The following RNGTT variants were observed in gnomAD, a reference collection of about 807,000 sequenced individuals.
RNGTT encodes RNA guanylyltransferase and 5'-phosphatase.
Under a neutral mutation model 79.3 loss-of-function variants are expected in RNGTT, and 33 were observed. That is an observed-to-expected ratio of 0.42 (90% confidence interval 0.32 to 0.56). The LOEUF (loss-of-function observed/expected upper bound fraction) is 0.56, where lower values mean the gene tolerates loss of function less well. Among genes scored for constraint, RNGTT ranks in the 20% least tolerant of loss-of-function variants. The pLI, the probability that RNGTT is intolerant of heterozygous loss-of-function variation, is 0.17. For synonymous variants in RNGTT, 222 were observed against 235.9 expected (o/e 0.94, Z 0.54); for missense variants, 497 against 739.1 (o/e 0.67, Z 3.80).
intron 13 of RNGTT, among the ~76,000 whole-genome samples, chr6:88,761,130 C>T (rs1184493897): frequency 6.6e-6 from 1 of 151,448 alleles, no homozygotes; most frequent in East Asian, 1.9e-4. Context: ...CTATATATTC[C>T]ATTCTGCTTG....
At position 88,887,294 on chromosome 6, in the gene RNGTT, C is replaced by T. The variant is rs181814692; in HGVS notation, c.896+3201G>A. ...ACACTGTATCCTGACATAGCTTTAACGACGATGGAGTCCAGGACTCATAGC... is the reference window on the plus strand; with the variant it reads ...ACACTGTATCCTGACATAGCTTTAATGACGATGGAGTCCAGGACTCATAGC... On this transcript the variant is annotated intron_variant, in intron 8 of 15. Coordinates refer to ENST00000369485, the MANE Select transcript of RNGTT (RefSeq NM_003800.5). Among the ~76,000 whole-genome samples the T allele has an allele frequency of 3.8e-3, 583 of 152,212 alleles. 10 individuals carry two copies. Among genetic ancestry groups the T allele is most frequent in the African/African-American group, 0.013 (550 of 41,512 alleles).
At chr6:88,771,311 GTGTGTATATATATATATATA>G (rs1191713710) in intron 12 of RNGTT, among the ~76,000 whole-genome samples, 12 of 48,680 alleles carry the variant, frequency 2.5e-4, no homozygotes, top group Middle Eastern at 0.011. Context: ...GTATGTGTGT[GTGTGTATATATATATATATA>G]TATATATATA....
At chr6:88,637,457 T>C (rs1363331334) in intron 14 of RNGTT, among the ~76,000 whole-genome samples, 2 of 152,036 alleles carry the variant, frequency 1.3e-5, no homozygotes, top group African/African-American at 4.8e-5. Flanking sequence ...AAGTAAAACA[T>C]GGCTTTGAAA....
chr6:88,844,885 T>G (rs751400157), intron 10 of RNGTT, among the ~76,000 whole-genome samples: 11 of 151,998 alleles, frequency 7.2e-5, no homozygotes, highest in Non-Finnish European at 1.2e-4. Flanking sequence ...CCCAGGAGTT[T>G]GAGGCTAGCC....
At chr6:88,816,395 G>C (rs1008100845) in intron 11 of RNGTT, among the ~76,000 whole-genome samples, 2 of 152,084 alleles carry the variant, frequency 1.3e-5, no homozygotes, top group Non-Finnish European at 2.9e-5. Flanking sequence ...TGCACTTATA[G>C]TCCCTAGGCT....
At chr6:88,645,270 A>G (rs1218928730) in intron 14 of RNGTT, among the ~76,000 whole-genome samples, 2 of 152,222 alleles carry the variant, frequency 1.3e-5, no homozygotes, top group Non-Finnish European at 2.9e-5. Context: ...TCAAGAGAAT[A>G]AAATACCTAG....
intron 4 of RNGTT, among the ~76,000 whole-genome samples, chr6:88,914,836 C>T (rs938732120): frequency 6.6e-6 from 1 of 152,124 alleles, no homozygotes; most frequent in African/African-American, 2.4e-5. Flanking sequence ...AGTAAACAGA[C>T]AACCTACAGA....
intron 10 of RNGTT, 82 bp from the exon 11 acceptor site, chr6:88,844,603 A>G (rs2127901047): frequency 3.8e-6 from 5 of 1,318,824 alleles, no homozygotes; most frequent in Non-Finnish European, 5.3e-6. Flanking sequence ...CACAATGTAC[A>G]TAATAGTCTG....
intron 4 of RNGTT, among the ~76,000 whole-genome samples, chr6:88,917,652 T>C (rs1181047632): frequency 1.3e-5 from 2 of 152,198 alleles, no homozygotes; most frequent in African/African-American, 4.8e-5. Context: ...TTTGGGAGGC[T>C]GAGGGTGGCG....
At chr6:88,703,940 A>G (rs1404695391) in intron 13 of RNGTT, among the ~76,000 whole-genome samples, 3 of 152,140 alleles carry the variant, frequency 2.0e-5, no homozygotes, top group Non-Finnish European at 4.4e-5. Context: ...ACTTGCATAG[A>G]GGCCAGTGTG....
At chr6:88,810,035 T>C (rs1471153986) in intron 11 of RNGTT, among the ~76,000 whole-genome samples, 1 of 152,010 alleles carries the variant, frequency 6.6e-6, no homozygotes, top group Non-Finnish European at 1.5e-5. Context: ...GCAACAGAAT[T>C]AGATATCGCC....
At chr6:88,807,614 T>C (rs1299957399) in intron 11 of RNGTT, among the ~76,000 whole-genome samples, 1 of 152,028 alleles carries the variant, frequency 6.6e-6, no homozygotes, top group Non-Finnish European at 1.5e-5. Context: ...ACAGCTGGAA[T>C]GCGAAAACAA....
intron 11 of RNGTT, among the ~76,000 whole-genome samples, chr6:88,843,395 T>C (rs543718695): frequency 2.0e-5 from 3 of 152,044 alleles, no homozygotes; most frequent in Non-Finnish European, 2.9e-5. Flanking sequence ...ACATAATGTA[T>C]AGTACACCTT....
intron 4 of RNGTT, among the ~76,000 whole-genome samples, chr6:88,924,066 G>A (rs1784243698): frequency 6.6e-6 from 1 of 152,148 alleles, no homozygotes; most frequent in South Asian, 2.1e-4. Context: ...TCAATGCTGG[G>A]GGGCTCCATC....
At chr6:88,874,109 T>C (rs1782439177) in intron 8 of RNGTT, among the ~76,000 whole-genome samples, 1 of 152,130 alleles carries the variant, frequency 6.6e-6, no homozygotes, top group African/African-American at 2.4e-5. Flanking sequence ...GTGTCTTCAT[T>C]AGACTTCAAA....
intron 13 of RNGTT, among the ~76,000 whole-genome samples, chr6:88,684,648 A>C (rs1775209452): frequency 6.6e-6 from 1 of 151,952 alleles, no homozygotes. Context: ...CAACTATATG[A>C]TATTCTGAGA....
chr6:88,902,034 A>G (rs1196006819), intron 6 of RNGTT, among the ~76,000 whole-genome samples: 1 of 152,134 alleles, frequency 6.6e-6, no homozygotes, highest in Non-Finnish European at 1.5e-5. Context: ...CTGTATAAAA[A>G]TGCCATGGCC....
intron 12 of RNGTT, among the ~76,000 whole-genome samples, chr6:88,779,244 G>A (rs544860539): frequency 2.0e-4 from 31 of 152,172 alleles, no homozygotes; most frequent in African/African-American, 7.2e-4. Flanking sequence ...ACATCCCACC[G>A]CATTTGCAAC....
At chr6:88,841,445 A>T (rs147799250) in intron 11 of RNGTT, among the ~76,000 whole-genome samples, 14 of 152,188 alleles carry the variant, frequency 9.2e-5, no homozygotes, top group African/African-American at 2.9e-4. Flanking sequence ...TTAAAACATG[A>T]TTGCATATGT....
Sources: allele counts gnomAD v4.1 joint callset (sites outside exome capture counted in the v4.1 genomes callset), GRCh38; gene constraint gnomAD v4.1.1; transcripts MANE v1.5; gene names NCBI Gene and HGNC (gene_info 2026-07-23, HGNC 2026-07-21).